Variants in ATP6V0A4 observed in about 807,000 individuals in gnomAD.
ATP6V0A4 encodes ATPase H+ transporting V0 subunit a4.
ATP6V0A4 carries 86 observed loss-of-function variants against 107.3 expected under a neutral mutation model. The ratio of observed to expected loss-of-function variants is 0.80; its 90% CI spans 0.67 to 0.96. The LOEUF (loss-of-function observed/expected upper bound fraction) is 0.96, where lower values mean the gene tolerates loss of function less well. ATP6V0A4 is among the 40% of genes least tolerant of loss of function. The pLI is 0.00. For missense variants in ATP6V0A4, 908 were observed against 1,045.6 expected (o/e 0.87, Z 1.81); for synonymous variants, 353 against 381.4 (o/e 0.93, Z 0.87).
At position 138,762,650 on chromosome 7, in the gene ATP6V0A4, G is replaced by A. The variant is rs3734936; in HGVS notation, c.418-216C>T. On this transcript the variant is annotated intron_variant, in intron 6 of 21. Coordinates refer to ENST00000310018, the MANE Select transcript of ATP6V0A4 (RefSeq NM_020632.3). Reference sequence around the variant, plus strand: ...ACTTCTCAAACCAACTGCTGTGCTTGGTTCTGACTTCTCTTTCTGCCTGAG... The same window carrying A: ...ACTTCTCAAACCAACTGCTGTGCTTAGTTCTGACTTCTCTTTCTGCCTGAG... Among the ~76,000 whole-genome samples, 23,723 of 152,072 alleles carry A rather than the reference G, an allele frequency of 0.16. 1,933 individuals carry two copies. The highest frequency in any genetic ancestry group is 0.29 in the Middle Eastern group (84 of 294).
chr7:138,755,336 C>T (rs1806453036), intron 10 of ATP6V0A4, among the ~76,000 whole-genome samples: 1 of 152,152 alleles, frequency 6.6e-6, no homozygotes, highest in African/African-American at 2.4e-5. Flanking sequence ...AATAATCAGT[C>T]AAACTGGTTG....
chr7:138,786,199 T>G lies in ATP6V0A4; in HGVS notation c.-59A>C, dbSNP rs1456650060. 6.6e-6 allele frequency: 1 copy of G among 152,364 alleles called. No homozygotes were observed. Among genetic ancestry groups the G allele is most frequent in the East Asian group, 1.9e-4 (1 of 5,200 alleles). The allele number at this position is 152,364 out of a possible 1,614,324, so 9.4% of individuals were successfully genotyped here. A position where few individuals can be genotyped will look rare whatever the true frequency, so the allele number is the denominator to read the frequency against. On this transcript the variant is annotated 5_prime_UTR_variant, in exon 2 of 22. Coordinates refer to ENST00000310018, the MANE Select transcript of ATP6V0A4 (RefSeq NM_020632.3). ...TCTCTTCTTCTCTTCAGAGAAAAGC[T>G]GCTTTACATTCCTTTCATTCCTGTC...
chr7:138,771,232 G>C lies in ATP6V0A4; in HGVS notation c.16C>G (p.Arg6Gly). 1 of 1,613,576 alleles carries C rather than the reference G, an allele frequency of 6.2e-7. No homozygotes were observed. Among genetic ancestry groups the C allele is most frequent in the Non-Finnish European group, 8.5e-7 (1 of 1,179,648 alleles). ...TGTGACAAACACATCTCCTCGCTTC[G>C]AAACACAGACACCATCTTGGCCCAG... MVSVF[R>G]SEEMCLSQLF... The change falls in exon 3 of 22, where the codon CGA becomes GGA. Residue 6 changes from arginine to glycine, a missense_variant. By Grantham distance (125) the Arg-to-Gly change is moderately radical (BLOSUM62 -2). Coordinates refer to ENST00000310018, the MANE Select transcript of ATP6V0A4 (RefSeq NM_020632.3).
At chr7:138,722,468 T>C (rs1804470255) in intron 18 of ATP6V0A4, among the ~76,000 whole-genome samples, 1 of 152,048 alleles carries the variant, frequency 6.6e-6, no homozygotes, top group South Asian at 2.1e-4. Context: ...AGTCCAAGAC[T>C]AGCGTGGCCA....
intron 18 of ATP6V0A4, among the ~76,000 whole-genome samples, chr7:138,723,382 T>C (rs910352075): frequency 5.9e-5 from 9 of 152,164 alleles, no homozygotes; most frequent in Non-Finnish European, 8.8e-5. Flanking sequence ...CTTGGTCTGG[T>C]TTTACCCCTA....
At chr7:138,770,104 A>G (rs73467849) in intron 3 of ATP6V0A4, among the ~76,000 whole-genome samples, 3,955 of 152,248 alleles carry the variant, frequency 0.026, 177 homozygotes, top group African/African-American at 0.09. Context: ...ACTTTTGTGC[A>G]TCAAAGGACA....
chr7:138,786,673 TGAGA>T (rs1231039093), intron 1 of ATP6V0A4, among the ~76,000 whole-genome samples: 4 of 151,688 alleles, frequency 2.6e-5, no homozygotes, highest in African/African-American at 9.7e-5. Context: ...AGAGACAGAT[TGAGA>T]GAGAGAGATT....
At chr7:138,736,711 A>G (rs995817517) in intron 15 of ATP6V0A4, among the ~76,000 whole-genome samples, 1 of 152,006 alleles carries the variant, frequency 6.6e-6, no homozygotes, top group Non-Finnish European at 1.5e-5. Flanking sequence ...AGCTGGGATT[A>G]CAGGCACCCA....
intron 19 of ATP6V0A4, among the ~76,000 whole-genome samples, chr7:138,721,610 A>G (rs965571197): frequency 6.6e-6 from 1 of 152,192 alleles, no homozygotes; most frequent in African/African-American, 2.4e-5. Flanking sequence ...AGGACCTTCT[A>G]TGTCACTAGA....
At chr7:138,797,941 T>C in intron 1 of ATP6V0A4, 93 bp downstream of exon 1, 1 of 1,528,804 alleles carries the variant, frequency 6.5e-7, no homozygotes, top group Non-Finnish European at 8.8e-7. Context: ...AAGTTTCCTT[T>C]GCTCCACCCC....
At chr7:138,771,389 A>G in intron 2 of ATP6V0A4, 125 bp from the exon 3 acceptor site, 2 of 1,008,490 alleles carry the variant, frequency 2.0e-6, no homozygotes, top group Non-Finnish European at 2.8e-6. Flanking sequence ...ATCACTTCTG[A>G]TTTTAGGAGA....
intron 19 of ATP6V0A4, among the ~76,000 whole-genome samples, chr7:138,718,587 A>AGGAATGGGGAGGC (rs1562980975): frequency 1.3e-4 from 7 of 52,418 alleles, no homozygotes. Flanking sequence ...CATGGGGCGG[A>AGGAATGGGGAGGC]ATGGGGAGGA....
chr7:138,734,284 TGA>T, intron 15 of ATP6V0A4, 30 bp from the exon 16 acceptor site: 1 of 1,611,330 alleles, frequency 6.2e-7, no homozygotes, highest in Non-Finnish European at 8.5e-7. Context: ...AAAAACCAAG[TGA>T]GAGAGAGTCT....
At chr7:138,728,694 A>C in intron 18 of ATP6V0A4, 67 bp downstream of exon 18, 1 of 1,605,178 alleles carries the variant, frequency 6.2e-7, no homozygotes. Flanking sequence ...TCTAAACCCA[A>C]GATTCATCTT....
At chr7:138,719,334 G>A (rs926352561) in intron 19 of ATP6V0A4, among the ~76,000 whole-genome samples, 4 of 152,132 alleles carry the variant, frequency 2.6e-5, no homozygotes, top group Admixed American at 2.0e-4. Context: ...ACACCTGATC[G>A]TTTATGCGAA....
chr7:138,729,248 T>C (rs373699901), intron 17 of ATP6V0A4, among the ~76,000 whole-genome samples: 1 of 152,164 alleles, frequency 6.6e-6, no homozygotes, highest in East Asian at 1.9e-4. Context: ...GCAGGCCTCA[T>C]GACTTTACCA....
At position 138,745,154 on chromosome 7, in the gene ATP6V0A4, C is replaced by T. The variant is rs1562996946; in HGVS notation, c.1447G>A (p.Val483Ile). 1 of 1,614,212 alleles carries T rather than the reference C, an allele frequency of 6.2e-7. No homozygotes were observed. The highest frequency in any genetic ancestry group is 8.5e-7 in the Non-Finnish European group (1 of 1,180,018). The change falls in exon 14 of 22, where the codon GTC becomes ATC. Residue 483 changes from valine to isoleucine, a missense_variant. By Grantham distance (29) the Val-to-Ile change is conservative. Coordinates refer to ENST00000310018, the MANE Select transcript of ATP6V0A4 (RefSeq NM_020632.3). The part of the protein sequence containing the change: ...SLNIFGSSWS[V>I]QPMFRNGTWN... The stretch of plus-strand genomic sequence containing the variant: ...GTGCCGTTTCTGAACATGGGTTGGA[C>T]ACTCCAAGAAGAGCCAAAGATGTTC...
rs553043888 is a variant in ATP6V0A4, at chr7:138,772,761, G to A, written c.-17-1497C>T. On this transcript the variant is annotated intron_variant, in intron 2 of 21. Coordinates refer to ENST00000310018, the MANE Select transcript of ATP6V0A4 (RefSeq NM_020632.3). Reference sequence around the variant, plus strand: ...TGGTCATCAGAGGCCTCCCAGCAGCGATCAATGCATTCCAAACTCTGGGGT... The same window carrying A: ...TGGTCATCAGAGGCCTCCCAGCAGCAATCAATGCATTCCAAACTCTGGGGT... Among the ~76,000 whole-genome samples, 9 of 152,218 alleles carry A rather than the reference G, an allele frequency of 5.9e-5. No individual in the cohort carries two copies. In the East Asian group the frequency reaches 9.7e-4, roughly 16 times the overall value.
At chr7:138,765,515 T>C (rs369962284) in intron 5 of ATP6V0A4, among the ~76,000 whole-genome samples, 1 of 152,156 alleles carries the variant, frequency 6.6e-6, no homozygotes, top group Non-Finnish European at 1.5e-5. Context: ...CCCTCCCCCC[T>C]GAATTAGTAT....
Sources: gnomAD v4.1 joint callset for allele counts (sites outside exome capture counted in the v4.1 genomes callset) on GRCh38, gnomAD v4.1.1 for gene constraint, MANE v1.5 for transcripts, NCBI Gene and HGNC (gene_info 2026-07-23, HGNC 2026-07-21) for gene names.